PRSS54: variants seen among roughly 807,000 people sequenced by gnomAD.
PRSS54 encodes inactive serine protease 54.
A neutral mutation model predicts 19.9 loss-of-function variants in PRSS54; 16 were observed. The ratio of observed to expected loss-of-function variants is 0.80; its 90% CI spans 0.54 to 1.22. The LOEUF (loss-of-function observed/expected upper bound fraction) is 1.22, where lower values mean the gene tolerates loss of function less well. Ranked by LOEUF, PRSS54 falls within the 50% of genes most tolerant of loss-of-function variation. PRSS54 has a pLI of 0.00. For missense variants in PRSS54, 444 were observed against 494.8 expected (o/e 0.90, Z 0.97); for synonymous variants, 177 against 195.8 (o/e 0.90, Z 0.80).
chr16:58,285,534 C>T (rs996750790), intron 5 of PRSS54, among the ~76,000 whole-genome samples: 3 of 151,926 alleles, frequency 2.0e-5, no homozygotes, highest in Admixed American at 6.6e-5. Context: ...CCCAGGAGTT[C>T]GATACAAGCC....
At chr16:58,288,826 T>C (rs1053943078) in intron 4 of PRSS54, among the ~76,000 whole-genome samples, 2 of 152,178 alleles carry the variant, frequency 1.3e-5, no homozygotes, top group African/African-American at 4.8e-5. Context: ...GCATTAGCCC[T>C]TTATGTACCA....
At chr16:58,288,299 G>A (rs1049045193) in intron 4 of PRSS54, among the ~76,000 whole-genome samples, 5 of 152,106 alleles carry the variant, frequency 3.3e-5, no homozygotes, top group Non-Finnish European at 5.9e-5. Context: ...GGTGGCATGC[G>A]CCTGTAGTCC....
chr16:58,283,079 T>C (rs67746089), intron 6 of PRSS54: 5,776 of 152,376 alleles, frequency 0.038, 159 homozygotes, highest in East Asian at 0.08. Context: ...GTGGGGTCTT[T>C]CATTTTGTGA....
intron 4 of PRSS54, among the ~76,000 whole-genome samples, 173 bp downstream of exon 4, chr16:58,290,786 A>G (rs1965019419): frequency 6.6e-6 from 1 of 152,226 alleles, no homozygotes; most frequent in African/African-American, 2.4e-5. Flanking sequence ...AGCAGAGATC[A>G]GGCTTGGCAA....
rs754411541 is a variant in PRSS54, at chr16:58,284,684, A to G, written c.560T>C (p.Ile187Thr). 8 of 1,614,046 alleles carry G rather than the reference A, an allele frequency of 5.0e-6. No individual in the cohort carries two copies. Among genetic ancestry groups the G allele is most frequent in the Non-Finnish European group, 6.8e-6 (8 of 1,179,988 alleles). Residue 187 changes from isoleucine to threonine, a missense_variant, in exon 6 of 7, where the codon ATC becomes ACC. Physicochemically the swap from Ile to Thr is moderately conservative, Grantham distance 89 (BLOSUM62 -1). Coordinates refer to ENST00000567164, the MANE Select transcript of PRSS54 (RefSeq NM_001305173.2). ...ACACATGTCAAGATCTTTCACGAAG[A>G]TTTTCCTCAGGACACTCATCGTCAT... The part of the protein sequence containing the change: ...NHMTMSVLRK[I>T]FVKDLDMCPL...
intron 4 of PRSS54, among the ~76,000 whole-genome samples, chr16:58,286,829 T>C (rs1964929614): frequency 6.6e-6 from 1 of 152,104 alleles, no homozygotes; most frequent in Non-Finnish European, 1.5e-5. Flanking sequence ...GCAAGAGTTA[T>C]AGATGACACT....
chr16:58,290,546 T>C (rs1015198129), intron 4 of PRSS54, among the ~76,000 whole-genome samples: 2 of 152,162 alleles, frequency 1.3e-5, no homozygotes, highest in African/African-American at 4.8e-5. Context: ...CTGTATTTTT[T>C]CCGAGGCTTT....
chr16:58,282,626 T>G (rs1187714987), intron 6 of PRSS54: 1 of 152,270 alleles, frequency 6.6e-6, no homozygotes, highest in Non-Finnish European at 1.5e-5. Context: ...CCTTGAGGAC[T>G]TCATTCTGTG....
At chr16:58,285,842 A>G in intron 5 of PRSS54, 95 bp downstream of exon 5, 2 of 1,440,702 alleles carry the variant, frequency 1.4e-6, no homozygotes, top group Non-Finnish European at 1.9e-6. Flanking sequence ...AGCAAACTCC[A>G]TTATTAAATT....
chr16:58,280,162 G>A lies in PRSS54; in HGVS notation c.*62C>T. 1.3e-6 allele frequency: 2 copies of A among 1,490,364 alleles called. No homozygotes were observed. Among genetic ancestry groups the A allele is most frequent in the Non-Finnish European group, 9.1e-7 (1 of 1,093,984 alleles). The allele number at this position is 1,490,364 out of a possible 1,614,324, so 92.3% of individuals were successfully genotyped here. ...TCAAAAACAGACATCAAAACAGCAT[G>A]GTGAATGCCTGGCACTCAGCATTCT... is the stretch of plus-strand genomic sequence containing the variant. On this transcript the variant is annotated 3_prime_UTR_variant, in exon 7 of 7. Transcript: ENST00000567164.
At chr16:58,282,527 T>G (rs1964791661) in intron 6 of PRSS54, 1 of 152,472 alleles carries the variant, frequency 6.6e-6, no homozygotes, top group Non-Finnish European at 1.5e-5. Flanking sequence ...AGCAACTCCG[T>G]GGGCAGGCCA....
chr16:58,289,192 G>A (rs1174327652), intron 4 of PRSS54, among the ~76,000 whole-genome samples: 3 of 152,154 alleles, frequency 2.0e-5, no homozygotes, highest in Non-Finnish European at 4.4e-5. Context: ...ACAGTGAGAG[G>A]GTGGCCATCT....
intron 4 of PRSS54, among the ~76,000 whole-genome samples, chr16:58,290,387 A>G (rs1457507709): frequency 1.3e-5 from 2 of 152,200 alleles, no homozygotes; most frequent in Admixed American, 1.3e-4. Flanking sequence ...TACCAAAAAC[A>G]TTATTCTTTT....
At chr16:58,281,220 A>G (rs373124032) in intron 6 of PRSS54, 34 of 165,484 alleles carry the variant, frequency 2.1e-4, no homozygotes, top group Middle Eastern at 3.3e-3. Flanking sequence ...CCTACTCCCA[A>G]TGGAGCAGTC....
At chr16:58,293,672 T>C (rs1965086721) in intron 3 of PRSS54, 60 bp downstream of exon 3, 5 of 1,565,924 alleles carry the variant, frequency 3.2e-6, no homozygotes, top group Non-Finnish European at 4.3e-6. Context: ...TCTTCCCGGA[T>C]GATCCCCTTC....
Position 58,290,955 on chromosome 16 carries a change from T to C in PRSS54, c.263+4A>G, listed in dbSNP as rs761962102. 6.8e-6 allele frequency: 11 copies of C among 1,613,900 alleles called. No homozygotes were observed. In the East Asian group the frequency reaches 2.2e-4, roughly 33 times the overall value. ...TTGCGGGCCCCAAAGGCAGGGGCACTGGCCTGTTCTGAATGGCGGATGCGA... is the reference window on the plus strand; with the variant it reads ...TTGCGGGCCCCAAAGGCAGGGGCACCGGCCTGTTCTGAATGGCGGATGCGA... On this transcript the variant is annotated splice_donor_region_variant and intron_variant, in intron 4 of 6. Coordinates refer to ENST00000567164, the MANE Select transcript of PRSS54 (RefSeq NM_001305173.2).
intron 4 of PRSS54, among the ~76,000 whole-genome samples, chr16:58,289,581 T>TTC (rs1002459544): frequency 1.6e-4 from 24 of 151,448 alleles, no homozygotes; most frequent in Non-Finnish European, 3.1e-4. Context: ...CATACTTTTT[T>TTC]TTTTTTTGGA....
intron 3 of PRSS54, among the ~76,000 whole-genome samples, chr16:58,292,864 G>A (rs1965065866): frequency 1.3e-5 from 2 of 152,204 alleles, no homozygotes; most frequent in Admixed American, 1.3e-4. Context: ...AAGATGTAAT[G>A]AGGAAATCTG....
chr16:58,284,817 ATTTT>A, intron 5 of PRSS54, 96 bp from the exon 6 acceptor site: 31 of 1,102,996 alleles, frequency 2.8e-5, no homozygotes, highest in African/African-American at 3.3e-5. Flanking sequence ...GAGAGTGAGA[ATTTT>A]TTTTTTTTTT....
Sources: allele counts gnomAD v4.1 joint callset (sites outside exome capture counted in the v4.1 genomes callset), GRCh38; gene constraint gnomAD v4.1.1; transcripts MANE v1.5; gene names NCBI Gene and HGNC (gene_info 2026-07-23, HGNC 2026-07-21).